TNIK: variants seen among roughly 807,000 people sequenced by gnomAD.
The protein encoded by TNIK is TRAF2 and NCK-interacting protein kinase.
TNIK carries 49 observed loss-of-function variants against 191.3 expected under a neutral mutation model. The ratio of observed to expected loss-of-function variants is 0.26; its 90% CI spans 0.20 to 0.32. The LOEUF is 0.32. Ranked by LOEUF, TNIK falls within the 10% of genes least tolerant of loss-of-function variation. The pLI is 1.00. For synonymous variants in TNIK, 594 were observed against 600.9 expected, an observed-to-expected ratio of 0.99 and a Z score of 0.17; for missense variants, 1,155 against 1,702.3, an observed-to-expected ratio of 0.68 and a Z score of 5.66.
At chr3:171,292,542 C>T (rs749484061) in intron 2 of TNIK, among the ~76,000 whole-genome samples, 26 of 152,162 alleles carry the variant, frequency 1.7e-4, no homozygotes, top group African/African-American at 5.1e-4. Flanking sequence ...TTTGGGAGGC[C>T]CAGGCGGGCG....
At chr3:171,324,260 G>A (rs1755503074) in intron 2 of TNIK, among the ~76,000 whole-genome samples, 1 of 152,244 alleles carries the variant, frequency 6.6e-6, no homozygotes, top group Non-Finnish European at 1.5e-5. Context: ...TTTAAGGCTT[G>A]AATTCTTTTG....
At chr3:171,090,460 G>T (rs1373504445) in intron 23 of TNIK, among the ~76,000 whole-genome samples, 7 of 136,222 alleles carry the variant, frequency 5.1e-5, no homozygotes, top group Admixed American at 1.5e-4. Flanking sequence ...TGTATTAAGT[G>T]GGTTCTTTTA....
chr3:171,145,935 G>A (rs1027468836), intron 12 of TNIK, among the ~76,000 whole-genome samples: 8 of 152,144 alleles, frequency 5.3e-5, no homozygotes, highest in Non-Finnish European at 8.8e-5. Flanking sequence ...CAAAATAGCT[G>A]AATAAAGCTA....
chr3:171,074,523 AAAG>A (rs1260508820), intron 28 of TNIK, among the ~76,000 whole-genome samples: 4 of 152,176 alleles, frequency 2.6e-5, no homozygotes, highest in Non-Finnish European at 4.4e-5. Flanking sequence ...TTTAAAAAGA[AAAG>A]AAAAAAAAAT....
chr3:171,104,620 C>T (rs185536578), intron 21 of TNIK, among the ~76,000 whole-genome samples: 12 of 152,108 alleles, frequency 7.9e-5, no homozygotes, highest in East Asian at 1.9e-4. Flanking sequence ...ACTAAAAAGG[C>T]GCTCTTTTAG....
At chr3:171,148,210 GC>G (rs1731904097) in intron 12 of TNIK, among the ~76,000 whole-genome samples, 1 of 152,206 alleles carries the variant, frequency 6.6e-6, no homozygotes, top group Admixed American at 6.5e-5. Context: ...TTAGCAGACA[GC>G]CCCATGGCTA....
chr3:171,331,503 T>C (rs1384946505), intron 2 of TNIK, among the ~76,000 whole-genome samples: 2 of 152,232 alleles, frequency 1.3e-5, no homozygotes, highest in Admixed American at 6.5e-5. Context: ...ATATCCATTA[T>C]AGACTCATAT....
rs1241263823 is a variant in TNIK, at chr3:171,444,315, C to T, written c.57+15692G>A. On this transcript the variant is annotated intron_variant, in intron 1 of 32. Transcript: ENST00000436636. ...AGTAAGGAAATCTTCAACCTGCTGTCTAGATTCCAAATATACATTCCATTT... is the reference window on the plus strand; with the variant it reads ...AGTAAGGAAATCTTCAACCTGCTGTTTAGATTCCAAATATACATTCCATTT... 3.9e-5 allele frequency among the ~76,000 whole-genome samples: 6 copies of T among 152,270 alleles called. No homozygotes were observed. The East Asian group carries it at 1.2e-3, about 29-fold the overall frequency.
chr3:171,420,588 T>A (rs987395168), intron 1 of TNIK, among the ~76,000 whole-genome samples: 1 of 152,174 alleles, frequency 6.6e-6, no homozygotes, highest in Non-Finnish European at 1.5e-5. Context: ...CTGAACCCTA[T>A]ATACACAATT....
chr3:171,075,874 T>C (rs1719848075), intron 28 of TNIK, among the ~76,000 whole-genome samples: 1 of 151,966 alleles, frequency 6.6e-6, no homozygotes, highest in South Asian at 2.1e-4. Flanking sequence ...GTAGCTGGGA[T>C]TACAGGTGCC....
chr3:171,139,474 A>G lies in TNIK; in HGVS notation c.1415T>C (p.Leu472Pro). 1.2e-6 allele frequency: 2 copies of G among 1,613,166 alleles called. No homozygotes were observed. The highest frequency in any genetic ancestry group is 1.7e-6 in the Non-Finnish European group (2 of 1,179,414). Residue 472 changes from leucine (L) to proline (P), a missense_variant, in exon 14 of 33, where the codon CTT becomes CCT. This residue lies in a region of TNIK where 735 missense variants were observed against 848.0 expected (regional missense o/e 0.87). Coordinates refer to ENST00000436636, the MANE Select transcript of TNIK (RefSeq NM_015028.4). ...GGTTCTTGGCTTTCTCATTACCAGA[A>G]GTAGAGCTTGTTCATGCAGTAGCTG... ...QQQLLHEQAL[L>P]LEYKRKQLEE...
At chr3:171,106,645 A>T (rs1194616918) in intron 21 of TNIK, 1 of 525,560 alleles carries the variant, frequency 1.9e-6, no homozygotes, top group African/African-American at 1.9e-5. Context: ...TCTAATGGAA[A>T]ACGTCTCCAC....
intron 18 of TNIK, among the ~76,000 whole-genome samples, chr3:171,123,052 G>C (rs1727967133): frequency 6.6e-6 from 1 of 152,224 alleles, no homozygotes; most frequent in Admixed American, 6.5e-5. Context: ...GTATTTCAGT[G>C]ACCTTTGTAA....
intron 20 of TNIK, 103 bp from the exon 21 acceptor site, chr3:171,107,309 G>T: frequency 9.6e-7 from 1 of 1,038,770 alleles, no homozygotes; most frequent in South Asian, 1.5e-5. Context: ...GTACGCAACT[G>T]ATAAATACAA....
chr3:171,152,520 C>T (rs1732579238), intron 12 of TNIK, among the ~76,000 whole-genome samples: 1 of 152,028 alleles, frequency 6.6e-6, no homozygotes, highest in Admixed American at 6.6e-5. Context: ...CTCAGGAAAA[C>T]TTTGGTGGTG....
At chr3:171,360,394 A>C (rs770602962) in intron 2 of TNIK, among the ~76,000 whole-genome samples, 5 of 152,244 alleles carry the variant, frequency 3.3e-5, no homozygotes, top group Non-Finnish European at 7.3e-5. Context: ...GGAAAAGCAC[A>C]GGCTGTAAGT....
Position 171,079,619 on chromosome 3 carries a change from G to A in TNIK, c.3347C>T (p.Ser1116Leu), listed in dbSNP as rs940888413. 2 of 1,612,782 alleles carry A rather than the reference G, an allele frequency of 1.2e-6. No homozygotes were observed. Among genetic ancestry groups the A allele is most frequent in the African/African-American group, 1.3e-5 (1 of 74,916 alleles). Residue 1116 changes from serine (S) to leucine (L), a missense_variant, in exon 28 of 33, where the codon TCA (serine) becomes TTA (leucine). By Grantham distance (145) the Ser-to-Leu change is moderately radical. This residue lies in a region of TNIK where 195 missense variants were observed against 415.4 expected (regional missense o/e 0.47). Transcript: ENST00000436636. ...ATGTAGTATTCTGTTTCTTAACCAT[G>A]AAAGATAGTAAACTCGTAGCTTATT... is the stretch of plus-strand genomic sequence containing the variant. Reference protein sequence around the residue: ...KKNKLRVYYLSWLRNRILHND... With the variant: ...KKNKLRVYYLLWLRNRILHND...
intron 18 of TNIK, among the ~76,000 whole-genome samples, chr3:171,116,789 A>G (rs554750005): frequency 1.2e-4 from 18 of 152,386 alleles, no homozygotes; most frequent in African/African-American, 4.3e-4. Flanking sequence ...ATCAATGTTA[A>G]GTATGAAAGT....
At chr3:171,451,059 C>T (rs1728111502) in intron 1 of TNIK, among the ~76,000 whole-genome samples, 1 of 152,162 alleles carries the variant, frequency 6.6e-6, no homozygotes, top group Non-Finnish European at 1.5e-5. Context: ...TCTAAGAGGG[C>T]CCTCAGTGAC....
Sources: gnomAD v4.1 joint callset for allele counts (sites outside exome capture counted in the v4.1 genomes callset) on GRCh38, gnomAD v4.1.1 for gene constraint, gnomAD v4.1.1 regional missense constraint, MANE v1.5 for transcripts, NCBI Gene and HGNC (gene_info 2026-07-23, HGNC 2026-07-21) for gene names.